Variants in CXCL13 observed in about 807,000 individuals in gnomAD.
CXCL13 encodes C-X-C motif chemokine ligand 13, also known as C-X-C motif chemokine 13.
A neutral mutation model predicts 12.2 loss-of-function variants in CXCL13; 7 were observed. That is an observed-to-expected ratio of 0.57 (90% CI 0.33 to 1.07). The LOEUF is 1.07. Among genes scored for constraint, CXCL13 ranks in the 50% least tolerant of loss-of-function variants. The pLI is 0.04. For missense variants in CXCL13, 113 were observed against 127.4 expected (o/e 0.89, Z 0.55); for synonymous variants, 47 against 42.4 (o/e 1.11, Z -0.42).
chr4:77,571,854 C>T (rs1012965654), intron 1 of CXCL13, among the ~76,000 whole-genome samples: 9 of 151,736 alleles, frequency 5.9e-5, no homozygotes, highest in East Asian at 1.9e-4. Flanking sequence ...ACACTCACCG[C>T]GAAGATCTGC....
chr4:77,549,906 G>T (rs139976863), intron 1 of CXCL13, among the ~76,000 whole-genome samples: 1 of 152,224 alleles, frequency 6.6e-6, no homozygotes, highest in African/African-American at 2.4e-5. Context: ...GTCTGCAGAA[G>T]TTTCTGTTGC....
intron 1 of CXCL13, among the ~76,000 whole-genome samples, chr4:77,595,741 G>A (rs1241796735): frequency 6.6e-6 from 1 of 152,158 alleles, no homozygotes; most frequent in Non-Finnish European, 1.5e-5. Context: ...CTTATCAAAA[G>A]CATCACTGCT....
chr4:77,540,051 ATAAT>A (rs1339781680), intron 1 of CXCL13, among the ~76,000 whole-genome samples: 1 of 152,234 alleles, frequency 6.6e-6, no homozygotes, highest in Non-Finnish European at 1.5e-5. Flanking sequence ...TTAACTTCAT[ATAAT>A]TATTTTTAGA....
intron 1 of CXCL13, among the ~76,000 whole-genome samples, chr4:77,530,411 T>G (rs887253386): frequency 6.6e-6 from 1 of 152,116 alleles, no homozygotes; most frequent in African/African-American, 2.4e-5. Context: ...GGTCCTGGAC[T>G]TTTTTTGGTT....
chr4:77,523,627 T>G (rs1319082217), intron 1 of CXCL13, among the ~76,000 whole-genome samples: 2 of 152,186 alleles, frequency 1.3e-5, no homozygotes, highest in African/African-American at 4.8e-5. Flanking sequence ...TTTTTCACGG[T>G]TTTCAGCTTC....
chr4:77,514,524 T>A lies in CXCL13; in HGVS notation c.-43+2736T>A, dbSNP rs1448642785. 7.4e-4 allele frequency among the ~76,000 whole-genome samples: 109 copies of A among 147,292 alleles called. No homozygotes were observed. In the East Asian group the frequency reaches 7.7e-3, roughly 10 times the overall value. ...TAACTGGTGTGAGATGATATCTCATTGTGGTTTTGATTTGCATTTCTCTGA... is the reference window on the plus strand; with the variant it reads ...TAACTGGTGTGAGATGATATCTCATAGTGGTTTTGATTTGCATTTCTCTGA... On this transcript the variant is annotated intron_variant, in intron 1 of 4. Coordinates refer to the CXCL13 transcript ENST00000286758.
intron 2 of CXCL13, among the ~76,000 whole-genome samples, chr4:77,608,451 AAAAG>A (rs1406073870): frequency 2.1e-4 from 32 of 152,100 alleles, no homozygotes; most frequent in African/African-American, 7.5e-4. Context: ...AAAAAAAAAA[AAAAG>A]AAAGAAAGAA....
chr4:77,582,485 A>C (rs1726363077), intron 1 of CXCL13, among the ~76,000 whole-genome samples: 1 of 152,184 alleles, frequency 6.6e-6, no homozygotes, highest in Non-Finnish European at 1.5e-5. Flanking sequence ...TCTCATAGAA[A>C]GTGAGGAGAG....
At chr4:77,555,045 C>A in intron 1 of CXCL13, among the ~76,000 whole-genome samples, 1 of 150,912 alleles carries the variant, frequency 6.6e-6, no homozygotes, top group African/African-American at 2.4e-5. Flanking sequence ...ACAAATTGAA[C>A]CCAAAGTAAG....
At chr4:77,531,808 C>T (rs1024412007) in intron 1 of CXCL13, among the ~76,000 whole-genome samples, 2 of 152,128 alleles carry the variant, frequency 1.3e-5, no homozygotes, top group Non-Finnish European at 1.5e-5. Flanking sequence ...TAATGGCCTT[C>T]TTTGTCTCTT....
chr4:77,598,818 ATT>A (rs200508736), intron 1 of CXCL13, among the ~76,000 whole-genome samples: 1 of 148,840 alleles, frequency 6.7e-6, no homozygotes, highest in Non-Finnish European at 1.5e-5. Flanking sequence ...CAACACAATG[ATT>A]TTTTTTTTTC....
chr4:77,514,064 T>C (rs1724345599), intron 1 of CXCL13, among the ~76,000 whole-genome samples: 1 of 152,110 alleles, frequency 6.6e-6, no homozygotes, highest in Admixed American at 6.5e-5. Context: ...TGTTTGGTTT[T>C]TTGTTCTTGC....
At chr4:77,519,121 G>A (rs189194624) in intron 1 of CXCL13, among the ~76,000 whole-genome samples, 24 of 152,292 alleles carry the variant, frequency 1.6e-4, no homozygotes, top group Admixed American at 2.6e-4. Flanking sequence ...TTTGTGAACC[G>A]TGAATGCTGC....
chr4:77,531,903 T>A (rs1439544129), intron 1 of CXCL13, among the ~76,000 whole-genome samples: 1 of 152,200 alleles, frequency 6.6e-6, no homozygotes, highest in East Asian at 1.9e-4. Context: ...GCTTGGTAGA[T>A]CTTCCTCCAT....
intron 1 of CXCL13, among the ~76,000 whole-genome samples, chr4:77,580,604 TG>T (rs913630826): frequency 5.9e-5 from 9 of 151,994 alleles, no homozygotes; most frequent in Non-Finnish European, 1.0e-4. Context: ...GGATTACAGG[TG>T]TGAGCCACCA....
At chr4:77,582,393 C>T (rs1427373183) in intron 1 of CXCL13, among the ~76,000 whole-genome samples, 5 of 152,142 alleles carry the variant, frequency 3.3e-5, no homozygotes, top group South Asian at 4.1e-4. Context: ...TGACCTAGAT[C>T]GGGTAGGCAG....
chr4:77,550,950 C>A (rs544088167), intron 1 of CXCL13, among the ~76,000 whole-genome samples: 17 of 152,214 alleles, frequency 1.1e-4, no homozygotes, highest in Non-Finnish European at 2.2e-4. Flanking sequence ...AATAGTAACA[C>A]TTGCCCTTTT....
At position 77,611,442 on chromosome 4, in the gene CXCL13, T is replaced by C. The variant is rs538796288; in HGVS notation, c.*403T>C. 4 of 387,400 alleles carry C rather than the reference T, an allele frequency of 1.0e-5. No individual in the cohort carries two copies. The highest frequency in any genetic ancestry group is 3.7e-5 in the East Asian group (1 of 27,062). The allele number at this position is 387,400 out of a possible 1,614,324, so 24.0% of individuals were successfully genotyped here. A position where few individuals can be genotyped will look rare whatever the true frequency, so the allele number is the denominator to read the frequency against. On this transcript the variant is annotated 3_prime_UTR_variant, in exon 4 of 4. Transcript: ENST00000682537. ...ATGGCATATATTAAAAGCAGGCTTCTATGAAAGACTCAAAAAGCTGCCTGG... is the reference window on the plus strand; with the variant it reads ...ATGGCATATATTAAAAGCAGGCTTCCATGAAAGACTCAAAAAGCTGCCTGG...
rs139851731 is a variant in CXCL13 at position 77,535,203 on chromosome 4, G to A, written c.-43+23415G>A. Among the ~76,000 whole-genome samples the A allele has an allele frequency of 2.6e-4, 39 of 152,178 alleles. No individual in the cohort carries two copies. The East Asian group carries it at 6.6e-3, about 26-fold the overall frequency. ...TTTAGAAACTGGGGGAAGAACTGGG[G>A]GCCTTTAGGAACTCTGTTTTGCATT... On this transcript the variant is annotated intron_variant, in intron 1 of 4. Coordinates refer to the CXCL13 transcript ENST00000286758.
Sources: allele counts gnomAD v4.1 joint callset (sites outside exome capture counted in the v4.1 genomes callset), GRCh38; gene constraint gnomAD v4.1.1; transcripts MANE v1.5; gene names NCBI Gene and HGNC (gene_info 2026-07-23, HGNC 2026-07-21).